Variants in FRMPD4 observed in about 807,000 individuals in gnomAD.
FRMPD4 encodes the protein FERM and PDZ domain containing 4.
FRMPD4 carries 22 observed loss-of-function variants against 94.1 expected under a neutral mutation model. The ratio of observed to expected loss-of-function variants is 0.23; its 90% CI spans 0.17 to 0.33. The LOEUF (loss-of-function observed/expected upper bound fraction) is 0.33. Ranked by LOEUF, FRMPD4 falls within the 10% of genes least tolerant of loss-of-function variation. FRMPD4 has a pLI of 1.00. For synonymous variants in FRMPD4, 631 were observed against 548.6 expected (o/e 1.15, Z -2.10); for missense variants, 1,111 against 1,339.9 (o/e 0.83, Z 2.67).
At chrX:12,701,026 C>G (rs1181172058) in intron 9 of FRMPD4, among the ~76,000 whole-genome samples, 1 of 108,201 alleles carries the variant, frequency 9.2e-6, no homozygotes, top group Non-Finnish European at 1.9e-5. Flanking sequence ...TACACCCTGC[C>G]AAGTACGGTT....
intron 2 of FRMPD4, among the ~76,000 whole-genome samples, chrX:12,522,947 T>C (rs752543902): frequency 1.8e-5 from 2 of 112,055 alleles, no homozygotes; most frequent in Non-Finnish European, 1.9e-5. Context: ...CTTCCTTCTA[T>C]GCTCTCTTAA....
At chrX:12,681,392 G>C (rs2059969970) in intron 5 of FRMPD4, among the ~76,000 whole-genome samples, 1 of 112,665 alleles carries the variant, frequency 8.9e-6, no homozygotes, top group Non-Finnish European at 1.9e-5. Context: ...CAAAGATACT[G>C]ATGAGAACAC....
At chrX:12,500,858 C>G (rs1012665300) in intron 2 of FRMPD4, among the ~76,000 whole-genome samples, 3 of 112,033 alleles carry the variant, frequency 2.7e-5, no homozygotes, top group Admixed American at 1.9e-4. Flanking sequence ...GCAATTGGCT[C>G]AGTTAAGGTG....
At chrX:12,095,766 T>C (rs1170333938) in intron 3 of FRMPD4, among the ~76,000 whole-genome samples, 2 of 112,487 alleles carry the variant, frequency 1.8e-5, no homozygotes, top group South Asian at 3.7e-4. Context: ...TCCTGATTTC[T>C]TCCTCTAGAA....
chrX:12,098,177 T>TTTAGTTGTGGGTGCTACCCACAACTAG (rs1191623494), intron 3 of FRMPD4, among the ~76,000 whole-genome samples: 1 of 111,459 alleles, frequency 9.0e-6, no homozygotes. Context: ...GTAATTGAAT[T>TTTAGTTGTGGGTGCTACCCACAACTAG]TTAGTTAGGG....
intron 1 of FRMPD4, among the ~76,000 whole-genome samples, chrX:12,346,441 T>C (rs73632677): frequency 0.012 from 1,297 of 111,430 alleles, 17 homozygotes; most frequent in African/African-American, 0.04. Context: ...ACCTTCTCAG[T>C]CATTCCTGCT....
chrX:11,978,321 C>CAAAAAAAAAAAAA (rs1172824155), intron 3 of FRMPD4, among the ~76,000 whole-genome samples: 2 of 16,355 alleles, frequency 1.2e-4, no homozygotes, highest in East Asian at 4.9e-3. Flanking sequence ...AACTCCATCT[C>CAAAAAAAAAAAAA]AAAAAAAAAA....
At chrX:11,933,061 C>T (rs754941097) in intron 3 of FRMPD4, among the ~76,000 whole-genome samples, 31 of 111,596 alleles carry the variant, frequency 2.8e-4, no homozygotes, top group Middle Eastern at 4.6e-3. Flanking sequence ...ACCGAGTCCC[C>T]AAACGTCAGC....
At chrX:12,393,891 A>T (rs911918885) in intron 1 of FRMPD4, among the ~76,000 whole-genome samples, 11 of 111,962 alleles carry the variant, frequency 9.8e-5, no homozygotes, top group Non-Finnish European at 2.1e-4. Flanking sequence ...ACGCTTGACT[A>T]CTTATGAAAG....
intron 2 of FRMPD4, among the ~76,000 whole-genome samples, chrX:12,542,812 G>A (rs2058431033): frequency 8.9e-6 from 1 of 111,841 alleles, no homozygotes; most frequent in South Asian, 3.8e-4. Flanking sequence ...CAAAGCTGGA[G>A]GCATCACGCT....
intron 1 of FRMPD4, among the ~76,000 whole-genome samples, chrX:12,331,707 A>C (rs187167590): frequency 0.065 from 3,050 of 47,070 alleles, 473 homozygotes; most frequent in African/African-American, 0.29. Flanking sequence ...TAAATATATA[A>C]TATATAATTT....
At chrX:12,302,529 G>A (rs915272355) in intron 1 of FRMPD4, among the ~76,000 whole-genome samples, 3 of 111,251 alleles carry the variant, frequency 2.7e-5, no homozygotes, top group African/African-American at 9.8e-5. Context: ...AGTGAGATGT[G>A]CAAGGCTAGT....
intron 2 of FRMPD4, among the ~76,000 whole-genome samples, chrX:12,560,269 A>G (rs1052863207): frequency 9.0e-6 from 1 of 110,525 alleles, no homozygotes; most frequent in Non-Finnish European, 1.9e-5. Context: ...TACATGAAAC[A>G]GAGTTAAGAC....
intron 2 of FRMPD4, among the ~76,000 whole-genome samples, chrX:12,503,367 C>T (rs1405885618): frequency 8.9e-6 from 1 of 111,847 alleles, no homozygotes; most frequent in Non-Finnish European, 1.9e-5. Context: ...TTGGACAAGA[C>T]ATGCTGTTCT....
intron 2 of FRMPD4, among the ~76,000 whole-genome samples, chrX:12,558,714 G>C (rs770733397): frequency 1.7e-4 from 19 of 111,627 alleles, no homozygotes; most frequent in African/African-American, 5.9e-4. Context: ...GGAGACATCA[G>C]TGATAGTTAC....
At chrX:11,840,631 A>G (rs185330708) in intron 1 of FRMPD4, among the ~76,000 whole-genome samples, 3,956 of 110,185 alleles carry the variant, frequency 0.036, 102 homozygotes, top group African/African-American at 0.089. Flanking sequence ...TGTTCTTAAT[A>G]TTATGTTAAA....
At chrX:12,222,515 A>G (rs111529286) in intron 1 of FRMPD4, among the ~76,000 whole-genome samples, 1,358 of 112,030 alleles carry the variant, frequency 0.012, 11 homozygotes, top group African/African-American at 0.041. Context: ...GTTGCATGCC[A>G]TGAAGTTTAC....
intron 1 of FRMPD4, among the ~76,000 whole-genome samples, chrX:12,349,316 T>G (rs1167647974): frequency 1.8e-5 from 2 of 110,640 alleles, no homozygotes; most frequent in African/African-American, 6.6e-5. Flanking sequence ...GACCTTCTAT[T>G]TGCACTGAAG....
intron 2 of FRMPD4, among the ~76,000 whole-genome samples, chrX:12,538,185 C>T (rs771429440): frequency 5.4e-5 from 6 of 111,678 alleles, no homozygotes; most frequent in African/African-American, 1.6e-4. Flanking sequence ...GATTATAGCT[C>T]GTGCCTGGCT....
Sources: gnomAD v4.1 joint callset for allele counts (sites outside exome capture counted in the v4.1 genomes callset) on GRCh38, gnomAD v4.1.1 for gene constraint, MANE v1.5 for transcripts, NCBI Gene and HGNC (gene_info 2026-07-23, HGNC 2026-07-21) for gene names.